The following CRTC1 variants were observed in gnomAD, a reference collection of about 807,000 sequenced individuals.
CRTC1 encodes CREB regulated transcription coactivator 1.
CRTC1 carries 18 observed loss-of-function variants against 66.1 expected under a neutral mutation model. That is an observed-to-expected ratio of 0.27 (90% CI 0.19 to 0.40). The LOEUF (loss-of-function observed/expected upper bound fraction) is 0.40, where lower values mean the gene tolerates loss of function less well. CRTC1 is among the 10% of genes least tolerant of loss of function. The pLI is 1.00. For synonymous variants in CRTC1, 416 were observed against 398.8 expected (o/e 1.04, Z -0.51); for missense variants, 669 against 887.9 (o/e 0.75, Z 3.13).
chr19:18,762,683 G>C (rs542463719), intron 8 of CRTC1, among the ~76,000 whole-genome samples: 1 of 152,308 alleles, frequency 6.6e-6, no homozygotes, highest in East Asian at 1.9e-4. Flanking sequence ...AGCTCTCCCT[G>C]CCCGCTCCAG....
chr19:18,745,786 A>G, intron 2 of CRTC1, 37 bp from the exon 3 acceptor site: 6 of 1,612,322 alleles, frequency 3.7e-6, no homozygotes, highest in Non-Finnish European at 5.1e-6. Context: ...CATTGTTTGG[A>G]TTTCTCTCTC....
chr19:18,763,381 G>A (rs955474385), intron 8 of CRTC1, among the ~76,000 whole-genome samples: 1 of 152,142 alleles, frequency 6.6e-6, no homozygotes, highest in Non-Finnish European at 1.5e-5. Flanking sequence ...GATTACAGGC[G>A]TGAGCCACTG....
chr19:18,700,977 A>G (rs985271154), intron 1 of CRTC1, among the ~76,000 whole-genome samples: 2 of 152,272 alleles, frequency 1.3e-5, no homozygotes, highest in African/African-American at 2.4e-5. Context: ...CCTCCCAGGC[A>G]GGCGAGATTG....
intron 6 of CRTC1, among the ~76,000 whole-genome samples, chr19:18,755,739 A>T (rs1277986541): frequency 3.3e-5 from 5 of 151,168 alleles, no homozygotes. Context: ...AGTAGCTGGG[A>T]TTACAGGTGT....
intron 2 of CRTC1, among the ~76,000 whole-genome samples, chr19:18,744,490 AAAC>A (rs2054185899): frequency 7.2e-5 from 10 of 139,476 alleles, no homozygotes; most frequent in Non-Finnish European, 1.4e-4. Context: ...ACACACACAC[AAAC>A]ACACACACAC....
intron 4 of CRTC1, among the ~76,000 whole-genome samples, chr19:18,749,435 G>A (rs2054315166): frequency 6.6e-6 from 1 of 152,214 alleles, no homozygotes; most frequent in Non-Finnish European, 1.5e-5. Context: ...GGAGGGCACT[G>A]TCCTTTCCCC....
intron 1 of CRTC1, among the ~76,000 whole-genome samples, chr19:18,722,257 TG>T (rs2053645505): frequency 6.6e-6 from 1 of 152,182 alleles, no homozygotes. Context: ...AGAGGAGACC[TG>T]GGGTGTGGAC....
rs1368541929 is a variant in CRTC1 at position 18,749,068 on chromosome 19, T to C, written c.444-713T>C. Among the ~76,000 whole-genome samples the C allele has an allele frequency of 2.0e-5, 3 of 152,184 alleles. No individual in the cohort carries two copies. In the East Asian group the frequency reaches 5.8e-4, roughly 29 times the overall value. On this transcript the variant is annotated intron_variant, in intron 4 of 13. Coordinates refer to ENST00000321949, the MANE Select transcript of CRTC1 (RefSeq NM_015321.3). ...AAGGAGGCTTTCTGGGGACCCACTC[T>C]TGAGGCACCTGCAGCCAGGAGCAGA...
chr19:18,701,202 G>A (rs2053129532), intron 1 of CRTC1, among the ~76,000 whole-genome samples: 1 of 152,238 alleles, frequency 6.6e-6, no homozygotes, highest in South Asian at 2.1e-4. Context: ...GCCTGCTCGC[G>A]GGCCCGCCCC....
At chr19:18,714,778 C>G (rs143938328) in intron 1 of CRTC1, among the ~76,000 whole-genome samples, 1 of 152,200 alleles carries the variant, frequency 6.6e-6, no homozygotes, top group Non-Finnish European at 1.5e-5. Context: ...TGATGACCCC[C>G]GGGGAACCTC....
intron 1 of CRTC1, among the ~76,000 whole-genome samples, chr19:18,737,439 G>A (rs1272290865): frequency 1.3e-5 from 2 of 152,068 alleles, no homozygotes; most frequent in Non-Finnish European, 2.9e-5. Context: ...GTCCCAGGAG[G>A]GGCCATGTGA....
At position 18,777,548 on chromosome 19, in the gene CRTC1, C is replaced by T; in HGVS notation, c.*166C>T. The T allele has an allele frequency of 1.5e-6, 1 of 648,380 alleles. No homozygotes were observed. Among genetic ancestry groups the T allele is most frequent in the Non-Finnish European group, 2.6e-6 (1 of 386,408 alleles). The allele number at this position is 648,380 out of a possible 1,614,324, so 40.2% of individuals were successfully genotyped here. On this transcript the variant is annotated 3_prime_UTR_variant, in exon 14 of 14. Transcript: ENST00000321949. The surrounding 1 kb of genome is among the most constrained non-coding windows in gnomAD (Gnocchi z 5.5). ...CCCCGGTTGTCCACCTCCCGCGAAG[C>T]CCAATCGCGAGGCCGCGAGCCGGGC...
At chr19:18,721,914 C>T (rs1256508736) in intron 1 of CRTC1, among the ~76,000 whole-genome samples, 1 of 152,352 alleles carries the variant, frequency 6.6e-6, no homozygotes, top group East Asian at 1.9e-4. Context: ...AGTCCATCAT[C>T]ACTGGCCCTT....
chr19:18,715,513 A>G (rs2053486906), intron 1 of CRTC1, among the ~76,000 whole-genome samples: 1 of 152,190 alleles, frequency 6.6e-6, no homozygotes, highest in Non-Finnish European at 1.5e-5. Flanking sequence ...TTCCCATTCC[A>G]GGTGCCAGGG....
intron 1 of CRTC1, among the ~76,000 whole-genome samples, chr19:18,701,388 C>T (rs1040370676): frequency 5.3e-5 from 8 of 152,246 alleles, no homozygotes; most frequent in Non-Finnish European, 8.8e-5. Context: ...GCCCCGTGCC[C>T]GGCCCGTGGT....
At position 18,775,727 on chromosome 19, in the gene CRTC1, C is replaced by A; in HGVS notation, c.1599C>A (p.Ala533=). ...CCACACTCAACTACTCGCAGGCGGC[C>A]ATGATGGGCCTCACGGGCAGCCACG... The part of the protein sequence containing the change: ...PGSTLNYSQA[A]MMGLTGSHGS... Residue 533 remains alanine, a synonymous_variant, in exon 13 of 14, where the codon GCC becomes GCA. Coordinates refer to ENST00000321949, the MANE Select transcript of CRTC1 (RefSeq NM_015321.3). 1.2e-6 allele frequency: 2 copies of A among 1,612,694 alleles called. No individual in the cohort carries two copies. The highest frequency in any genetic ancestry group is 1.7e-6 in the Non-Finnish European group (2 of 1,179,842).
intron 12 of CRTC1, among the ~76,000 whole-genome samples, chr19:18,775,250 G>A (rs944586862): frequency 1.3e-5 from 2 of 152,226 alleles, no homozygotes; most frequent in Non-Finnish European, 2.9e-5. Context: ...GTGAGGGGGG[G>A]CAGGCAGCAA....
rs1039585568 is a variant in CRTC1 at position 18,780,346 on chromosome 19, C to G, written c.*2964C>G. On this transcript the variant is annotated 3_prime_UTR_variant, in exon 14 of 14. Coordinates refer to ENST00000321949, the MANE Select transcript of CRTC1 (RefSeq NM_015321.3). ...GCATGGCGTCCCCACCTTCCTGTTT[C>G]GCCGACGTCACTACCCAGGGTGGCA... 1.7e-5 allele frequency: 4 copies of G among 231,986 alleles called. No homozygotes were observed. The highest frequency in any genetic ancestry group is 3.4e-5 in the Non-Finnish European group (4 of 117,352). The allele number at this position is 231,986 out of a possible 1,614,324, so 14.4% of individuals were successfully genotyped here. A position where few individuals can be genotyped will look rare whatever the true frequency, so the allele number is the denominator to read the frequency against.
chr19:18,743,971 G>T, intron 2 of CRTC1: 1 of 791,334 alleles, frequency 1.3e-6, no homozygotes, highest in Non-Finnish European at 2.1e-6. Flanking sequence ...CTCAGCCTGA[G>T]TGGGGCTGAG....
Sources: gnomAD v4.1 joint callset for allele counts (sites outside exome capture counted in the v4.1 genomes callset) on GRCh38, gnomAD v4.1.1 for gene constraint, Gnocchi (gnomAD v3.1) non-coding constraint, MANE v1.5 for transcripts, NCBI Gene and HGNC (gene_info 2026-07-23, HGNC 2026-07-21) for gene names.